EPHA3: variants seen among roughly 807,000 people sequenced by gnomAD.
EPHA3 encodes EPH receptor A3.
In EPHA3, 42 loss-of-function variants were observed where a neutral mutation model predicts 107.1. The ratio of observed to expected loss-of-function variants is 0.39; its 90% CI spans 0.31 to 0.51. EPHA3 has a LOEUF of 0.51. Among genes scored for constraint, EPHA3 ranks in the 20% least tolerant of loss-of-function variants. The pLI is 0.78. For missense variants in EPHA3, 1,183 were observed against 1,211.2 expected, an observed-to-expected ratio of 0.98 and a Z score of 0.35; for synonymous variants, 461 against 424.8, an observed-to-expected ratio of 1.09 and a Z score of -1.05.
intron 3 of EPHA3, among the ~76,000 whole-genome samples, chr3:89,236,971 G>A (rs1704779811): frequency 6.6e-6 from 1 of 152,194 alleles, no homozygotes; most frequent in Non-Finnish European, 1.5e-5. Flanking sequence ...ACTTATTGCA[G>A]TACTGAATGA....
At chr3:89,128,675 C>CTATATATGGTATAGTATA (rs1420910610) in intron 2 of EPHA3, among the ~76,000 whole-genome samples, 9 of 149,538 alleles carry the variant, frequency 6.0e-5, no homozygotes, top group Admixed American at 5.4e-4. Flanking sequence ...TATAGACATA[C>CTATATATGGTATAGTATA]TATATACTAT....
intron 16 of EPHA3, among the ~76,000 whole-genome samples, chr3:89,475,259 C>T (rs964958105): frequency 3.3e-5 from 5 of 152,096 alleles, no homozygotes; most frequent in Admixed American, 1.3e-4. Flanking sequence ...TTTCGGGTTC[C>T]TGGCTTATTG....
intron 2 of EPHA3, among the ~76,000 whole-genome samples, chr3:89,151,820 A>G (rs1207524217): frequency 6.6e-6 from 1 of 152,102 alleles, no homozygotes; most frequent in African/African-American, 2.4e-5. Flanking sequence ...GAATTTAAAT[A>G]TTAATATCAA....
intron 2 of EPHA3, among the ~76,000 whole-genome samples, chr3:89,176,082 T>C (rs1705315094): frequency 6.6e-6 from 1 of 152,174 alleles, no homozygotes; most frequent in South Asian, 2.1e-4. Flanking sequence ...TCCCATTTCA[T>C]TTCTCATTTT....
rs561098621 is a variant in EPHA3, at chr3:89,129,915, G to T, written c.153+2642G>T. Among the ~76,000 whole-genome samples, 5 of 152,178 alleles carry T rather than the reference G, an allele frequency of 3.3e-5. No homozygotes were observed. The South Asian group carries it at 1.0e-3, about 32-fold the overall frequency. On this transcript the variant is annotated intron_variant, in intron 2 of 16. Coordinates refer to ENST00000336596, the MANE Select transcript of EPHA3 (RefSeq NM_005233.6). ...TCAAATTAATTAACTCTAATAACTG[G>T]CAGTACATCTGACTGGAGGATAACT...
chr3:89,213,734 A>G (rs913067489), intron 3 of EPHA3, among the ~76,000 whole-genome samples: 9 of 152,008 alleles, frequency 5.9e-5, no homozygotes, highest in Non-Finnish European at 1.2e-4. Context: ...ATTTTTGTAG[A>G]TGCTGAAATA....
intron 10 of EPHA3, 59 bp from the exon 11 acceptor site, chr3:89,419,146 A>T (rs1709306044): frequency 6.7e-7 from 1 of 1,485,182 alleles, no homozygotes; most frequent in Middle Eastern, 1.8e-4. Flanking sequence ...GTTGCTCTCT[A>T]CTGATGAATT....
chr3:89,276,814 A>G (rs930502001), intron 3 of EPHA3, among the ~76,000 whole-genome samples: 2 of 152,244 alleles, frequency 1.3e-5, no homozygotes, highest in Non-Finnish European at 2.9e-5. Flanking sequence ...ATAATGTATT[A>G]AAGAGAATAT....
chr3:89,120,509 T>C (rs556770019), intron 1 of EPHA3, among the ~76,000 whole-genome samples: 1 of 152,362 alleles, frequency 6.6e-6, no homozygotes, highest in South Asian at 2.1e-4. Flanking sequence ...TCTTGATACC[T>C]GTTTGTTCCA....
At chr3:89,140,663 A>G (rs1704412413) in intron 2 of EPHA3, among the ~76,000 whole-genome samples, 1 of 151,776 alleles carries the variant, frequency 6.6e-6, no homozygotes. Flanking sequence ...TCTGATTCAA[A>G]GAAAAGTTTA....
At chr3:89,433,946 T>C (rs1249414967) in intron 13 of EPHA3, among the ~76,000 whole-genome samples, 1 of 152,164 alleles carries the variant, frequency 6.6e-6, no homozygotes, top group Non-Finnish European at 1.5e-5. Flanking sequence ...AAGTGATACT[T>C]AACAGTCTTA....
chr3:89,210,359 T>A lies in EPHA3; in HGVS notation c.653T>A (p.Met218Lys). The change falls in exon 3 of 17, where the codon ATG (methionine) becomes AAG (lysine). Residue 218 changes from methionine to lysine, a missense_variant. Physicochemically the swap from Met to Lys is moderately conservative, Grantham distance 95. Transcript: ENST00000336596. ...NLAMFPDTVPMDSQSLVEVRG... is the reference protein window; with the variant it reads ...NLAMFPDTVPKDSQSLVEVRG... ...GCTATGTTTCCAGACACGGTACCCA[T>A]GGACTCCCAGTCCCTGGTGGAGGTT... 6.2e-7 allele frequency: 1 copy of A among 1,613,830 alleles called. No individual in the cohort carries two copies. Among genetic ancestry groups the A allele is most frequent in the Non-Finnish European group, 8.5e-7 (1 of 1,179,862 alleles).
rs1708842995 is a variant in EPHA3, at chr3:89,395,973, A to G, written c.1431+12A>G. 1 of 1,613,498 alleles carries G rather than the reference A, an allele frequency of 6.2e-7. No homozygotes were observed. The highest frequency in any genetic ancestry group is 2.2e-5 in the East Asian group (1 of 44,870). ...AATACTATGAAAAGGTGGGGAAACA[A>G]TGTTTAAGGGTTGGGCTGTGTAGGC... On this transcript the variant is annotated intron_variant, in intron 6 of 16. Coordinates refer to ENST00000336596, the MANE Select transcript of EPHA3 (RefSeq NM_005233.6).
chr3:89,107,914 T>G lies in EPHA3; in HGVS notation c.88+78T>G, dbSNP rs1206578550. ...TCAAAGCACGTTCTCACCGAAGCCTTGCACGTCGGGAAGGTGCCTCCGAAT... is the reference window on the plus strand; with the variant it reads ...TCAAAGCACGTTCTCACCGAAGCCTGGCACGTCGGGAAGGTGCCTCCGAAT... On this transcript the variant is annotated intron_variant, in intron 1 of 16. Transcript: ENST00000336596. 4.9e-6 allele frequency: 7 copies of G among 1,427,082 alleles called. No homozygotes were observed. In the East Asian group the frequency reaches 1.6e-4, roughly 33 times the overall value. The allele number at this position is 1,427,082 out of a possible 1,614,324, so 88.4% of individuals were successfully genotyped here. A position where few individuals can be genotyped will look rare whatever the true frequency, so the allele number is the denominator to read the frequency against.
intron 3 of EPHA3, among the ~76,000 whole-genome samples, chr3:89,228,706 C>T (rs1415073494): frequency 6.6e-6 from 1 of 151,804 alleles, no homozygotes; most frequent in Non-Finnish European, 1.5e-5. Context: ...TATGTTAAAT[C>T]TAGTGGATGA....
intron 3 of EPHA3, among the ~76,000 whole-genome samples, chr3:89,271,797 G>A (rs1216536325): frequency 5.9e-5 from 9 of 151,940 alleles, no homozygotes; most frequent in Admixed American, 2.6e-4. Flanking sequence ...ATGCCATCAA[G>A]CGAGTCACTT....
intron 2 of EPHA3, among the ~76,000 whole-genome samples, chr3:89,145,180 T>C (rs1704511234): frequency 6.6e-6 from 1 of 151,634 alleles, no homozygotes; most frequent in Admixed American, 6.6e-5. Context: ...GAGTCATTGT[T>C]CTCAAAACTT....
At chr3:89,220,420 G>T (rs1310227399) in intron 3 of EPHA3, among the ~76,000 whole-genome samples, 1 of 152,052 alleles carries the variant, frequency 6.6e-6, no homozygotes, top group Admixed American at 6.6e-5. Context: ...TTTTCTGGGA[G>T]AAAGAAGAAA....
At position 89,306,111 on chromosome 3, in the gene EPHA3, A is replaced by G. The variant is rs1293104857; in HGVS notation, c.815-34805A>G. Among the ~76,000 whole-genome samples the G allele has an allele frequency of 2.0e-5, 3 of 152,052 alleles. No homozygotes were observed. In the East Asian group the frequency reaches 5.8e-4, roughly 29 times the overall value. On this transcript the variant is annotated intron_variant, in intron 3 of 16. Coordinates refer to ENST00000336596, the MANE Select transcript of EPHA3 (RefSeq NM_005233.6). ...TCTGATTGCTTACTACATTCCAGGC[A>G]CTGTTCTCAGTACCTTAAATTTAAT...
Sources: allele counts gnomAD v4.1 joint callset (sites outside exome capture counted in the v4.1 genomes callset), GRCh38; gene constraint gnomAD v4.1.1; transcripts MANE v1.5; gene names NCBI Gene and HGNC (gene_info 2026-07-23, HGNC 2026-07-21).